ZFHX3: variants seen among roughly 807,000 people sequenced by gnomAD.
ZFHX3 encodes the protein zinc finger homeobox protein 3.
A neutral mutation model predicts 279.1 loss-of-function variants in ZFHX3; 42 were observed. The ratio of observed to expected loss-of-function variants is 0.15; its 90% CI spans 0.12 to 0.19. The LOEUF is 0.19. Ranked by LOEUF, ZFHX3 falls within the 10% of genes least tolerant of loss-of-function variation. The probability of loss-of-function intolerance (pLI) is 1.00; values close to 1 mark genes in which losing one functional copy is unlikely to be tolerated. For synonymous variants in ZFHX3, 2,293 were observed against 1,957.8 expected, an observed-to-expected ratio of 1.17 and a Z score of -4.52; for missense variants, 4,981 against 4,754.0, an observed-to-expected ratio of 1.05 and a Z score of -1.40.
At chr16:73,861,168 G>T (rs1961873448) in intron 1 of ZFHX3, among the ~76,000 whole-genome samples, 1 of 151,938 alleles carries the variant, frequency 6.6e-6, no homozygotes, top group South Asian at 2.1e-4. Flanking sequence ...CTTTTGCCAT[G>T]TTGCCCAGGC....
intron 1 of ZFHX3, among the ~76,000 whole-genome samples, chr16:73,885,599 A>G (rs966637928): frequency 6.6e-6 from 1 of 152,140 alleles, no homozygotes; most frequent in African/African-American, 2.4e-5. Flanking sequence ...AGATGCTCCC[A>G]CCAAACTGTT....
intron 2 of ZFHX3, among the ~76,000 whole-genome samples, chr16:73,640,740 AAG>A (rs1203739151): frequency 5.3e-5 from 8 of 152,164 alleles, no homozygotes; most frequent in African/African-American, 1.7e-4. Context: ...AAATCTCCAA[AAG>A]AGAGAATAAA....
At chr16:73,148,228 C>T (rs556849308) in intron 5 of ZFHX3, among the ~76,000 whole-genome samples, 13 of 152,348 alleles carry the variant, frequency 8.5e-5, no homozygotes, top group African/African-American at 2.9e-4. Context: ...TACCATTTGG[C>T]CCTTTATAGT....
chr16:72,803,532 C>G (rs957599964), intron 7 of ZFHX3, among the ~76,000 whole-genome samples: 26 of 152,168 alleles, frequency 1.7e-4, no homozygotes, highest in Admixed American at 1.7e-3. Context: ...GAACAATATA[C>G]ATGCTTTCTC....
chr16:73,531,419 T>C (rs2019800098), intron 2 of ZFHX3, among the ~76,000 whole-genome samples: 1 of 152,128 alleles, frequency 6.6e-6, no homozygotes, highest in Non-Finnish European at 1.5e-5. Context: ...TTTTTTTAAT[T>C]AAGAATATTT....
intron 5 of ZFHX3, chr16:73,144,532 G>C (rs889765413): frequency 2.6e-5 from 4 of 152,226 alleles, no homozygotes; most frequent in African/African-American, 9.7e-5. Context: ...TTATTGATGG[G>C]GGAAGCCTTT....
chr16:72,818,416 G>A (rs1389825407), intron 5 of ZFHX3, among the ~76,000 whole-genome samples: 1 of 152,142 alleles, frequency 6.6e-6, no homozygotes, highest in African/African-American at 2.4e-5. Context: ...AATCTCCTGT[G>A]GAGCTACTGC....
chr16:73,672,993 A>C (rs192351814), intron 2 of ZFHX3, among the ~76,000 whole-genome samples: 1 of 152,328 alleles, frequency 6.6e-6, no homozygotes, highest in Non-Finnish European at 1.5e-5. Context: ...GCAACAACAT[A>C]AATGGATCTT....
chr16:73,317,809 T>C (rs2015488058), intron 4 of ZFHX3, among the ~76,000 whole-genome samples: 1 of 152,162 alleles, frequency 6.6e-6, no homozygotes, highest in Non-Finnish European at 1.5e-5. Flanking sequence ...TAAAGCCAGG[T>C]TCACGCATGG....
chr16:73,377,906 G>A (rs921142244), intron 3 of ZFHX3, among the ~76,000 whole-genome samples: 9 of 151,108 alleles, frequency 6.0e-5, no homozygotes, highest in Admixed American at 4.0e-4. Flanking sequence ...GGTGCCGAGC[G>A]CCTGTAGTCC....
At chr16:73,104,091 G>A (rs17620925) in intron 7 of ZFHX3, among the ~76,000 whole-genome samples, 44,103 of 151,656 alleles carry the variant, frequency 0.29, 6,825 homozygotes, top group Non-Finnish European at 0.34. Flanking sequence ...GAAATGCACC[G>A]ATCTCCATCC....
intron 1 of ZFHX3, among the ~76,000 whole-genome samples, chr16:73,866,728 C>T (rs1432138954): frequency 1.3e-5 from 2 of 152,186 alleles, no homozygotes; most frequent in Non-Finnish European, 2.9e-5. Flanking sequence ...TTTGATTCAA[C>T]AGCACAGGTG....
chr16:73,718,905 C>T (rs991358594), intron 1 of ZFHX3, among the ~76,000 whole-genome samples: 1 of 152,128 alleles, frequency 6.6e-6, no homozygotes, highest in Non-Finnish European at 1.5e-5. Context: ...TGAGCCACTG[C>T]GCCTGGCCTG....
intron 1 of ZFHX3, among the ~76,000 whole-genome samples, chr16:72,986,320 AG>A (rs1962840794): frequency 6.6e-6 from 1 of 152,010 alleles, no homozygotes; most frequent in Admixed American, 6.6e-5. Context: ...TTATCGATGG[AG>A]GGGGGCTGCT....
At chr16:73,136,451 C>T (rs182407779) in intron 6 of ZFHX3, among the ~76,000 whole-genome samples, 49 of 152,008 alleles carry the variant, frequency 3.2e-4, no homozygotes, top group Non-Finnish European at 5.4e-4. Flanking sequence ...CCAACGGGAG[C>T]GGTGGCTCAT....
intron 8 of ZFHX3, among the ~76,000 whole-genome samples, chr16:73,065,428 G>T (rs1057184505): frequency 6.6e-6 from 1 of 151,704 alleles, no homozygotes; most frequent in African/African-American, 2.4e-5. Flanking sequence ...AGGAACCTAT[G>T]CCGTGTACAT....
intron 1 of ZFHX3, among the ~76,000 whole-genome samples, chr16:73,835,878 A>C (rs1351738329): frequency 6.6e-6 from 1 of 152,100 alleles, no homozygotes; most frequent in Non-Finnish European, 1.5e-5. Flanking sequence ...CTAGCCTTTG[A>C]CTAAATGTGC....
At chr16:73,177,149 G>A (rs765108991) in intron 5 of ZFHX3, among the ~76,000 whole-genome samples, 4 of 149,242 alleles carry the variant, frequency 2.7e-5, no homozygotes, top group South Asian at 2.1e-4. Context: ...GCAAGACTCC[G>A]TCTCAAAACC....
In ZFHX3 at chr16:72,788,108, TTTGCTGCTGCTGCTGCTGTAG is replaced by T. The variant is rs748856332; in HGVS notation, c.10147_10167del (p.Leu3383_Gln3389del). On this transcript the variant is annotated inframe_deletion, in exon 10 of 10. Coordinates refer to ENST00000268489, the MANE Select transcript of ZFHX3 (RefSeq NM_006885.4). ...GCTTTGGGCTGCTGCTGCTGCACTT[TTTGCTGCTGCTGCTGCTGTAG>T]TTGCCGCTGCTGCTGCTGCTGAATT... The T allele has an allele frequency of 8.5e-5, 137 of 1,608,380 alleles. 3 individuals are homozygous for T. The Admixed American group carries it at 9.2e-4, about 11-fold the overall frequency.
Sources: allele counts gnomAD v4.1 joint callset (sites outside exome capture counted in the v4.1 genomes callset), GRCh38; gene constraint gnomAD v4.1.1; transcripts MANE v1.5; gene names NCBI Gene and HGNC (gene_info 2026-07-23, HGNC 2026-07-21).